MAF: variants seen among roughly 807,000 people sequenced by gnomAD.
MAF encodes MAF bZIP transcription factor, also known as transcription factor Maf.
In MAF, 10 loss-of-function variants were observed where a neutral mutation model predicts 22.0. The observed-to-expected ratio is 0.45, with a 90% CI of 0.28 to 0.77. The LOEUF (loss-of-function observed/expected upper bound fraction) is 0.77, where lower values mean the gene tolerates loss of function less well. Ranked by LOEUF, MAF falls within the 30% of genes least tolerant of loss-of-function variation. The probability of loss-of-function intolerance (pLI) is 0.12; values close to 1 mark genes in which losing one functional copy is unlikely to be tolerated. For synonymous variants in MAF, 337 were observed against 255.8 expected (o/e 1.32, Z -3.03); for missense variants, 544 against 548.4 (o/e 0.99, Z 0.08).
chr16:79,373,089 G>C, the MAF span, among the ~76,000 whole-genome samples: 1 of 152,108 alleles, frequency 6.6e-6, no homozygotes, highest in Non-Finnish European at 1.5e-5. Flanking sequence ...AGTGGTTATA[G>C]GATATCTCTA....
the MAF span, among the ~76,000 whole-genome samples, chr16:79,210,651 AT>A: frequency 6.6e-6 from 1 of 152,174 alleles, no homozygotes; most frequent in African/African-American, 2.4e-5. Context: ...GATAAACTGT[AT>A]TGGTTTTAAA....
chr16:79,384,922 C>T, the MAF span, among the ~76,000 whole-genome samples: 4 of 152,080 alleles, frequency 2.6e-5, no homozygotes, highest in Admixed American at 2.6e-4. Flanking sequence ...ACCTTATGCA[C>T]CAGGACAGAG....
At chr16:79,492,093 A>G in the MAF span, among the ~76,000 whole-genome samples, 1 of 152,214 alleles carries the variant, frequency 6.6e-6, no homozygotes, top group African/African-American at 2.4e-5. Context: ...AGCCTATCTA[A>G]TAATAAAACA....
the MAF span, among the ~76,000 whole-genome samples, chr16:79,520,429 T>C: frequency 4.6e-5 from 7 of 152,250 alleles, no homozygotes; most frequent in East Asian, 1.4e-3. Context: ...GCTCTCGTGG[T>C]CCTAACCTCA....
chr16:79,410,107 C>T, the MAF span, among the ~76,000 whole-genome samples: 1 of 152,208 alleles, frequency 6.6e-6, no homozygotes, highest in African/African-American at 2.4e-5. Context: ...TTCAACCACT[C>T]ATACACTGCT....
chr16:79,552,696 C>T, the MAF span, among the ~76,000 whole-genome samples: 30,611 of 152,136 alleles, frequency 0.2, 3,474 homozygotes, highest in Non-Finnish European at 0.26. Flanking sequence ...TAACCATAGC[C>T]GGCCTTGCTG....
At chr16:79,365,359 G>T in the MAF span, among the ~76,000 whole-genome samples, 1 of 152,162 alleles carries the variant, frequency 6.6e-6, no homozygotes, top group Non-Finnish European at 1.5e-5. Flanking sequence ...CAGACTGATG[G>T]CTGGATTCCT....
the MAF span, among the ~76,000 whole-genome samples, chr16:79,276,367 G>T: frequency 6.6e-6 from 1 of 152,096 alleles, no homozygotes; most frequent in African/African-American, 2.4e-5. Context: ...AGAAAGGAGG[G>T]TTGTGAAAGG....
At chr16:79,258,875 G>T in the MAF span, among the ~76,000 whole-genome samples, 1 of 152,142 alleles carries the variant, frequency 6.6e-6, no homozygotes, top group Admixed American at 6.5e-5. Flanking sequence ...ATGTCAGACT[G>T]CCCACTGCTG....
the MAF span, among the ~76,000 whole-genome samples, chr16:79,215,409 G>C: frequency 6.6e-6 from 1 of 152,168 alleles, no homozygotes; most frequent in Non-Finnish European, 1.5e-5. Flanking sequence ...GACTTTATGG[G>C]TCTGACTCTA....
chr16:79,367,735 A>G, the MAF span, among the ~76,000 whole-genome samples: 1 of 152,210 alleles, frequency 6.6e-6, no homozygotes, highest in African/African-American at 2.4e-5. Context: ...TCACGTAAGT[A>G]CCCACACATG....
the MAF span, among the ~76,000 whole-genome samples, chr16:79,401,450 G>A: frequency 6.6e-6 from 1 of 152,050 alleles, no homozygotes; most frequent in Non-Finnish European, 1.5e-5. Context: ...GTCTTCAAGT[G>A]GGAAAACTGG....
the MAF span, among the ~76,000 whole-genome samples, chr16:79,240,918 C>T: frequency 1.4e-4 from 22 of 152,070 alleles, no homozygotes; most frequent in South Asian, 4.6e-3. Context: ...CTGGAGTGGA[C>T]CTCCAGCAAA....
At chr16:79,385,873 C>G in the MAF span, among the ~76,000 whole-genome samples, 1 of 152,202 alleles carries the variant, frequency 6.6e-6, no homozygotes, top group Non-Finnish European at 1.5e-5. Flanking sequence ...TGCCACTGCA[C>G]TCCCACCTGG....
chr16:79,399,263 G>A, the MAF span, among the ~76,000 whole-genome samples: 1 of 152,202 alleles, frequency 6.6e-6, no homozygotes, highest in Non-Finnish European at 1.5e-5. Flanking sequence ...GCTGTGCTAA[G>A]GAGGAGGTGA....
chr16:79,331,692 G>C, the MAF span, among the ~76,000 whole-genome samples: 5 of 152,152 alleles, frequency 3.3e-5, no homozygotes, highest in Non-Finnish European at 7.3e-5. Context: ...CCAGCTCTTG[G>C]AGAGTAAGAT....
the MAF span, among the ~76,000 whole-genome samples, chr16:79,505,883 G>A: frequency 6.6e-6 from 1 of 152,016 alleles, no homozygotes; most frequent in African/African-American, 2.4e-5. Flanking sequence ...GAGAACTTGG[G>A]ACATGGCAGA....
chr16:79,562,630 T>C, the MAF span, among the ~76,000 whole-genome samples: 1 of 152,166 alleles, frequency 6.6e-6, no homozygotes, highest in African/African-American at 2.4e-5. Context: ...TTTCTCAACA[T>C]CTGTAGACCT....
chr16:79,334,857 G>A, the MAF span, among the ~76,000 whole-genome samples: 65 of 91,628 alleles, frequency 7.1e-4, no homozygotes, highest in South Asian at 3.4e-3. Flanking sequence ...GTGTGTGTGT[G>A]TGTGTATGTG....
Sources: allele counts gnomAD v4.1 joint callset (sites outside exome capture counted in the v4.1 genomes callset), GRCh38; gene constraint gnomAD v4.1.1; transcripts MANE v1.5; gene names NCBI Gene and HGNC (gene_info 2026-07-23, HGNC 2026-07-21).